Variants in VWA8 observed in about 807,000 individuals in gnomAD.
VWA8 encodes von Willebrand factor A domain containing 8.
A neutral mutation model predicts 241.5 loss-of-function variants in VWA8; 221 were observed. That is an observed-to-expected ratio of 0.91 (90% CI 0.82 to 1.02). The LOEUF is 1.02. Ranked by LOEUF, VWA8 falls within the 50% of genes least tolerant of loss-of-function variation. The pLI is 0.00. For synonymous variants in VWA8, 852 were observed against 827.1 expected (o/e 1.03, Z -0.52); for missense variants, 2,322 against 2,328.7 (o/e 1.00, Z 0.06).
chr13:41,936,317 T>G (rs1028127298), intron 2 of VWA8, among the ~76,000 whole-genome samples: 1 of 152,200 alleles, frequency 6.6e-6, no homozygotes, highest in East Asian at 1.9e-4. Flanking sequence ...TGTTTATTGT[T>G]CATTTGAATT....
In VWA8 at chr13:41,692,927, G is replaced by A. The variant is rs372315714; in HGVS notation, c.3610C>T (p.Arg1204Cys). The change falls in exon 30 of 45, where the codon CGT (arginine) becomes TGT (cysteine). Residue 1204 changes from arginine (R) to cysteine (C), a missense_variant. Arg to Cys is a radical substitution (Grantham distance 180). Coordinates refer to ENST00000379310, the MANE Select transcript of VWA8 (RefSeq NM_015058.2). Reference protein sequence around the residue: ...LLDTTGRALHRLILPSEKFTS... With the variant: ...LLDTTGRALHCLILPSEKFTS... ...AACTTCTCGGAAGGGAGGATGAGAC[G>A]ATGAAGGGCCCGGCCAGTAGTATCT... 1.9e-6 allele frequency: 3 copies of A among 1,611,216 alleles called. No homozygotes were observed. Among genetic ancestry groups the A allele is most frequent in the Admixed American group, 1.7e-5 (1 of 59,792 alleles).
intron 14 of VWA8, among the ~76,000 whole-genome samples, chr13:41,827,606 A>G (rs975140864): frequency 6.6e-6 from 1 of 152,226 alleles, no homozygotes. Flanking sequence ...AAAATTTCAA[A>G]TGAAAATTTT....
At chr13:41,745,674 GT>G (rs1566439083) in intron 21 of VWA8, among the ~76,000 whole-genome samples, 1 of 152,184 alleles carries the variant, frequency 6.6e-6, no homozygotes, top group African/African-American at 2.4e-5. Context: ...TCTCTCACCA[GT>G]TAGAATGACG....
chr13:41,944,754 T>C (rs1566047682), intron 2 of VWA8, among the ~76,000 whole-genome samples: 2 of 152,222 alleles, frequency 1.3e-5, no homozygotes, highest in Non-Finnish European at 2.9e-5. Flanking sequence ...AAATGCTCCA[T>C]TTTTAGAATT....
At chr13:41,677,553 T>G (rs1249070817) in intron 35 of VWA8, among the ~76,000 whole-genome samples, 1 of 152,184 alleles carries the variant, frequency 6.6e-6, no homozygotes, top group African/African-American at 2.4e-5. Flanking sequence ...CCCAGGCCTC[T>G]TTAGCACTAA....
chr13:41,583,652 A>C (rs112314061), intron 42 of VWA8, among the ~76,000 whole-genome samples: 3 of 148,264 alleles, frequency 2.0e-5, no homozygotes, highest in Admixed American at 1.4e-4. Context: ...CAAAAAAAAA[A>C]AAAAAAAAAA....
intron 2 of VWA8, among the ~76,000 whole-genome samples, chr13:41,939,756 C>A (rs903886221): frequency 2.6e-5 from 4 of 152,132 alleles, no homozygotes; most frequent in African/African-American, 9.7e-5. Flanking sequence ...TATTTCTAGT[C>A]TTAAGCATCA....
At chr13:41,923,369 G>C (rs902758406) in intron 2 of VWA8, among the ~76,000 whole-genome samples, 1 of 152,002 alleles carries the variant, frequency 6.6e-6, no homozygotes, top group South Asian at 2.1e-4. Context: ...CACCAACATG[G>C]CACATGTATA....
intron 19 of VWA8, among the ~76,000 whole-genome samples, chr13:41,782,547 G>A (rs898555801): frequency 6.6e-6 from 1 of 152,074 alleles, no homozygotes; most frequent in African/African-American, 2.4e-5. Flanking sequence ...TTGTGCAAGA[G>A]CATTAATGCT....
intron 16 of VWA8, among the ~76,000 whole-genome samples, chr13:41,816,009 A>G (rs1189053824): frequency 6.6e-6 from 1 of 152,246 alleles, no homozygotes; most frequent in East Asian, 1.9e-4. Flanking sequence ...CAGCTAGATT[A>G]TCAACAAAGT....
intron 12 of VWA8, chr13:41,865,261 A>T: frequency 2.8e-6 from 1 of 356,072 alleles, no homozygotes; most frequent in Non-Finnish European, 5.4e-6. Context: ...TGAAATTTAA[A>T]AATTAGGGTA....
chr13:41,957,510 G>A (rs1241445504), intron 1 of VWA8, among the ~76,000 whole-genome samples: 1 of 152,198 alleles, frequency 6.6e-6, no homozygotes, highest in African/African-American at 2.4e-5. Context: ...GGAGGCTGAA[G>A]CAGGAGAATC....
chr13:41,704,777 ACTAT>A (rs775655575), intron 26 of VWA8, among the ~76,000 whole-genome samples: 9 of 152,088 alleles, frequency 5.9e-5, no homozygotes, highest in South Asian at 2.1e-4. Flanking sequence ...TTTTAATCAT[ACTAT>A]CTTTTATTTG....
At chr13:41,695,970 C>T (rs1232195198) in intron 29 of VWA8, 1 of 152,094 alleles carries the variant, frequency 6.6e-6, no homozygotes, top group African/African-American at 2.4e-5. Context: ...AATTTGACAG[C>T]TGAAAATGTG....
intron 37 of VWA8, among the ~76,000 whole-genome samples, chr13:41,663,593 A>G (rs1292337067): frequency 6.6e-6 from 1 of 151,884 alleles, no homozygotes; most frequent in East Asian, 1.9e-4. Context: ...TTATTTTTCA[A>G]TTTCAGACAT....
intron 37 of VWA8, among the ~76,000 whole-genome samples, chr13:41,633,968 C>T (rs1230940098): frequency 6.6e-6 from 1 of 152,184 alleles, no homozygotes; most frequent in Non-Finnish European, 1.5e-5. Flanking sequence ...CTCTTTCTCC[C>T]TATACCCCTC....
intron 12 of VWA8, among the ~76,000 whole-genome samples, chr13:41,836,482 T>C (rs1040457202): frequency 6.6e-5 from 10 of 152,092 alleles, no homozygotes; most frequent in African/African-American, 2.4e-4. Flanking sequence ...AGGCTCAGAC[T>C]CCTAAAAAGC....
rs186479122 is a variant in VWA8 at position 41,857,161 on chromosome 13, A to T, written c.1425+8575T>A. On this transcript the variant is annotated intron_variant, in intron 12 of 44. Transcript: ENST00000379310. ...ACATAAAAATAAAGTATAAGTGCTA[A>T]AAGATTTTTTAAATGTGATAAGGGA... 1.7e-3 allele frequency among the ~76,000 whole-genome samples: 264 copies of T among 152,312 alleles called. 2 individuals carry two copies. Among genetic ancestry groups the T allele is most frequent in the African/African-American group, 5.8e-3 (243 of 41,588 alleles).
At chr13:41,768,447 T>C (rs1207034742) in intron 20 of VWA8, among the ~76,000 whole-genome samples, 1 of 152,190 alleles carries the variant, frequency 6.6e-6, no homozygotes, top group Non-Finnish European at 1.5e-5. Context: ...GAATCTCTAA[T>C]CACATTAAGT....
Sources: allele counts gnomAD v4.1 joint callset (sites outside exome capture counted in the v4.1 genomes callset), GRCh38; gene constraint gnomAD v4.1.1; transcripts MANE v1.5; gene names NCBI Gene and HGNC (gene_info 2026-07-23, HGNC 2026-07-21).